The following THSD4 variants were observed in gnomAD, a reference collection of about 807,000 sequenced individuals.
THSD4 encodes the protein thrombospondin type-1 domain-containing protein 4.
THSD4 carries 69 observed loss-of-function variants against 119.0 expected under a neutral mutation model. That is an observed-to-expected ratio of 0.58 (90% CI 0.48 to 0.71). The LOEUF is 0.71. Ranked by LOEUF, THSD4 falls within the 30% of genes least tolerant of loss-of-function variation. The probability of loss-of-function intolerance (pLI) is 0.00; values close to 1 mark genes in which losing one functional copy is unlikely to be tolerated. For missense variants in THSD4, 1,393 were observed against 1,391.1 expected, an observed-to-expected ratio of 1.00 and a Z score of -0.02; for synonymous variants, 524 against 540.4, an observed-to-expected ratio of 0.97 and a Z score of 0.42.
intron 14 of THSD4, among the ~76,000 whole-genome samples, chr15:71,751,910 C>T (rs73432430): frequency 0.022 from 3,396 of 152,210 alleles, 89 homozygotes; most frequent in African/African-American, 0.059. Flanking sequence ...ATATGCACCT[C>T]TTCTTATCTC....
chr15:71,388,661 AGAGT>A (rs1237884555), intron 6 of THSD4, among the ~76,000 whole-genome samples: 1,582 of 141,882 alleles, frequency 0.011, 32 homozygotes, highest in African/African-American at 0.037. Context: ...TTCTTTGGAG[AGAGT>A]GTGTGTGTGT....
chr15:71,530,606 G>A (rs1409881789), intron 7 of THSD4, among the ~76,000 whole-genome samples: 2 of 152,054 alleles, frequency 1.3e-5, no homozygotes, highest in Non-Finnish European at 1.5e-5. Context: ...ATTTAATATG[G>A]TATCAGCTGA....
chr15:71,154,805 G>T, intron 2 of THSD4, 58 bp from the exon 3 acceptor site: 1 of 1,562,176 alleles, frequency 6.4e-7, no homozygotes, highest in South Asian at 1.1e-5. Flanking sequence ...TGCCTTCCCT[G>T]GGTGCTGCTG....
intron 3 of THSD4, among the ~76,000 whole-genome samples, chr15:71,171,062 G>T (rs527916697): frequency 1.4e-4 from 21 of 152,190 alleles, no homozygotes; most frequent in African/African-American, 4.8e-4. Context: ...ACAACTTCAG[G>T]TTGGCTAATA....
At chr15:71,529,070 T>G (rs1275774117) in intron 7 of THSD4, among the ~76,000 whole-genome samples, 3 of 152,228 alleles carry the variant, frequency 2.0e-5, no homozygotes, top group Non-Finnish European at 4.4e-5. Context: ...CCAGTCCTGG[T>G]GATTCTCCAC....
chr15:71,491,309 T>TC (rs145113056), intron 7 of THSD4, among the ~76,000 whole-genome samples: 2,205 of 152,310 alleles, frequency 0.014, 64 homozygotes, highest in African/African-American at 0.05. Flanking sequence ...GAAATGTTTT[T>TC]CCCCGTTGTT....
intron 3 of THSD4, among the ~76,000 whole-genome samples, chr15:71,201,755 C>T (rs1026323082): frequency 3.3e-5 from 5 of 152,122 alleles, no homozygotes; most frequent in African/African-American, 4.8e-5. Context: ...ATTCTTGGCT[C>T]GGAGCCAGGG....
At chr15:71,528,588 G>A (rs879313829) in intron 7 of THSD4, among the ~76,000 whole-genome samples, 4 of 152,166 alleles carry the variant, frequency 2.6e-5, no homozygotes, top group South Asian at 4.1e-4. Context: ...ATGTCTGTCA[G>A]GCATCCTTAT....
At chr15:71,269,200 A>G (rs1402921127) in intron 6 of THSD4, among the ~76,000 whole-genome samples, 4 of 152,232 alleles carry the variant, frequency 2.6e-5, no homozygotes, top group African/African-American at 7.2e-5. Context: ...AAAATTCTCA[A>G]TAAAATACTG....
intron 7 of THSD4, among the ~76,000 whole-genome samples, chr15:71,568,878 C>G (rs1303420050): frequency 6.6e-6 from 1 of 152,160 alleles, no homozygotes; most frequent in African/African-American, 2.4e-5. Flanking sequence ...GCTGATCTTT[C>G]TCTCTTTTTT....
In THSD4 at chr15:71,664,862, T is replaced by C. The variant is rs1279351650; in HGVS notation, c.1357+4128T>C. Among the ~76,000 whole-genome samples the C allele has an allele frequency of 2.6e-5, 4 of 152,260 alleles. No individual in the cohort carries two copies. The East Asian group carries it at 7.7e-4, about 29-fold the overall frequency. Reference sequence around the variant, plus strand: ...TGGCTGCATACTATTCCATGGTGTATATGTACCACATTTTCTTTCTCTCAT... The same window carrying C: ...TGGCTGCATACTATTCCATGGTGTACATGTACCACATTTTCTTTCTCTCAT... On this transcript the variant is annotated intron_variant, in intron 8 of 17. Coordinates refer to ENST00000261862, the MANE Select transcript of THSD4 (RefSeq NM_024817.3).
chr15:71,474,531 T>C (rs1450527951), intron 7 of THSD4, among the ~76,000 whole-genome samples: 1 of 152,154 alleles, frequency 6.6e-6, no homozygotes, highest in Admixed American at 6.5e-5. Context: ...TTCTACTTTA[T>C]TTTTGCTTGC....
In THSD4 at chr15:71,580,772, T is replaced by G. The variant is rs185029497; in HGVS notation, c.1153-79758T>G. Among the ~76,000 whole-genome samples, 5 of 152,334 alleles carry G rather than the reference T, an allele frequency of 3.3e-5. No individual in the cohort carries two copies. In the East Asian group the frequency reaches 9.6e-4, roughly 29 times the overall value. On this transcript the variant is annotated intron_variant, in intron 7 of 17. Transcript: ENST00000261862. ...TCTTTGTGTATCTGACTCATTTCACTTAGCATAATGTACTCCAGGTTCATT... is the reference window on the plus strand; with the variant it reads ...TCTTTGTGTATCTGACTCATTTCACGTAGCATAATGTACTCCAGGTTCATT...
chr15:71,292,918 C>T (rs943395184), intron 6 of THSD4, among the ~76,000 whole-genome samples: 10 of 152,244 alleles, frequency 6.6e-5, no homozygotes, highest in African/African-American at 1.9e-4. Context: ...CCTTGTGATC[C>T]GCCCATCTTG....
intron 3 of THSD4, among the ~76,000 whole-genome samples, chr15:71,208,751 A>G (rs957828930): frequency 2.0e-5 from 3 of 152,054 alleles, no homozygotes; most frequent in Non-Finnish European, 4.4e-5. Context: ...ACCTCAAATT[A>G]TCCACCCACC....
intron 3 of THSD4, among the ~76,000 whole-genome samples, chr15:71,203,614 C>A (rs993381566): frequency 6.6e-6 from 1 of 152,060 alleles, no homozygotes; most frequent in Admixed American, 6.5e-5. Context: ...TGCAGTGAGC[C>A]GAGATTGTGC....
intron 7 of THSD4, among the ~76,000 whole-genome samples, chr15:71,639,304 G>A (rs1262597152): frequency 6.6e-6 from 1 of 152,124 alleles, no homozygotes; most frequent in East Asian, 1.9e-4. Context: ...AGCTTGCATG[G>A]GGGCTGGATT....
chr15:71,533,403 T>C (rs1393667665), intron 7 of THSD4, among the ~76,000 whole-genome samples: 1 of 152,154 alleles, frequency 6.6e-6, no homozygotes, highest in Non-Finnish European at 1.5e-5. Context: ...ACTTAGTAAA[T>C]TGTCACATCA....
chr15:71,394,400 G>GT lies in THSD4; in HGVS notation c.1016-17286dup, dbSNP rs2046417838. On this transcript the variant is annotated intron_variant, in intron 6 of 17. Transcript: ENST00000261862. ...CGATTCTCCTGCCTCAGCCTCCTGA[G>GT]TAGCTGGGACTACAGGCAAGTGCCA... 2.0e-5 allele frequency among the ~76,000 whole-genome samples: 3 copies of GT among 151,270 alleles called. No individual in the cohort carries two copies. The Admixed American group carries it at 2.0e-4, about 10-fold the overall frequency.
Sources: gnomAD v4.1 joint callset for allele counts (sites outside exome capture counted in the v4.1 genomes callset) on GRCh38, gnomAD v4.1.1 for gene constraint, MANE v1.5 for transcripts, NCBI Gene and HGNC (gene_info 2026-07-23, HGNC 2026-07-21) for gene names.